Variants in NRK observed in about 807,000 individuals in gnomAD.
The protein encoded by NRK is nik-related protein kinase.
Under a neutral mutation model 125.2 loss-of-function variants are expected in NRK, and 67 were observed. The observed-to-expected ratio is 0.54, with a 90% CI of 0.44 to 0.66. The LOEUF is 0.66. NRK is among the 30% of genes least tolerant of loss of function. The pLI is 0.00. For missense variants in NRK, 1,224 were observed against 1,192.9 expected, an observed-to-expected ratio of 1.03 and a Z score of -0.38; for synonymous variants, 458 against 429.0, an observed-to-expected ratio of 1.07 and a Z score of -0.84.
At chrX:105,923,705 G>C (rs2040483345) in intron 18 of NRK, among the ~76,000 whole-genome samples, 2 of 107,536 alleles carry the variant, frequency 1.9e-5, no homozygotes, top group African/African-American at 3.4e-5. Context: ...GTATTTATTA[G>C]TTTCTTTATA....
intron 2 of NRK, among the ~76,000 whole-genome samples, chrX:105,876,990 G>A (rs189262552): frequency 5.7e-4 from 64 of 111,669 alleles, no homozygotes; most frequent in African/African-American, 2.0e-3. Flanking sequence ...GGTGAATAGA[G>A]TATGAAAGGG....
Position 105,953,131 on chromosome X carries a change from G to A in NRK, c.4611G>A (p.Arg1537=). The A allele has an allele frequency of 8.4e-7, 1 of 1,196,096 alleles. No individual in the cohort carries two copies. Among genetic ancestry groups the A allele is most frequent in the Non-Finnish European group, 1.1e-6 (1 of 885,667 alleles). ...TTCTGGAAAGTGAGCTGAAGCGCAG[G>A]TCAATTAAGAAGCTGAGATTCCTGT... ...SRVLESELKR[R]SIKKLRFLCT... Residue 1537 remains arginine (R), a synonymous_variant, in exon 28 of 29, where the codon AGG becomes AGA. Transcript: ENST00000243300.
intron 18 of NRK, among the ~76,000 whole-genome samples, chrX:105,924,442 A>AT (rs1191849573): frequency 8.9e-6 from 1 of 111,828 alleles, no homozygotes; most frequent in African/African-American, 3.2e-5. Context: ...AAAGAATACA[A>AT]GTTCTCTTCC....
intron 19 of NRK, among the ~76,000 whole-genome samples, chrX:105,925,693 C>T (rs781233947): frequency 8.1e-5 from 9 of 111,470 alleles, no homozygotes; most frequent in African/African-American, 2.9e-4. Context: ...TGAGTAAGAA[C>T]ATGTGGTTTT....
chrX:105,924,643 A>T, intron 18 of NRK, 52 bp from the exon 19 acceptor site: 1 of 1,034,252 alleles, frequency 9.7e-7, no homozygotes, highest in East Asian at 3.3e-5. Context: ...GCTAACTTTC[A>T]AATGTGTTTT....
At chrX:105,861,977 C>T (rs1274041967) in intron 2 of NRK, among the ~76,000 whole-genome samples, 1 of 111,762 alleles carries the variant, frequency 8.9e-6, no homozygotes, top group Non-Finnish European at 1.9e-5. Context: ...ACGGGAGAAT[C>T]ACTTGAACCT....
Position 105,831,245 on chromosome X carries a change from A to C in NRK, c.123+126A>C, listed in dbSNP as rs2039187719. The stretch of plus-strand genomic sequence containing the variant: ...CACTTTGAGAGAGAAATCAAATTAG[A>C]TAGCCCAGTGACACCTGTAAGAATT... On this transcript the variant is annotated intron_variant, in intron 2 of 28. Coordinates refer to ENST00000243300, the MANE Select transcript of NRK (RefSeq NM_198465.4). The C allele has an allele frequency of 1.1e-5, 5 of 467,928 alleles. No homozygotes were observed. The East Asian group carries it at 1.8e-4, about 17-fold the overall frequency. 38.6% of individuals were successfully genotyped at this position (467,928 alleles called of 1,213,427 possible).
At chrX:105,868,473 C>T (rs2039700468) in intron 2 of NRK, among the ~76,000 whole-genome samples, 1 of 111,172 alleles carries the variant, frequency 9.0e-6, no homozygotes, top group Non-Finnish European at 1.9e-5. Context: ...ATTGAAACAA[C>T]CAGATAATTG....
At position 105,940,175 on chromosome X, in the gene NRK, G is replaced by A. The variant is rs1031768828; in HGVS notation, c.3958+143G>A. 1.2e-5 allele frequency: 5 copies of A among 433,236 alleles called. No individual in the cohort carries two copies. In the Admixed American group the frequency reaches 2.4e-4, roughly 21 times the overall value. 35.7% of individuals were successfully genotyped at this position (433,236 alleles called of 1,213,427 possible). A position where few individuals can be genotyped will look rare whatever the true frequency, so the allele number is the denominator to read the frequency against. ...GACGAGATCAGGGACGTTCAGGGTG[G>A]TATGGCTATAGACAGCAACTTCAAA... On this transcript the variant is annotated intron_variant, in intron 23 of 28. Coordinates refer to ENST00000243300, the MANE Select transcript of NRK (RefSeq NM_198465.4).
At chrX:105,922,336 G>C (rs1048966386) in intron 17 of NRK, among the ~76,000 whole-genome samples, 5 of 111,535 alleles carry the variant, frequency 4.5e-5, no homozygotes, top group African/African-American at 9.8e-5. Context: ...ATAACAAGCT[G>C]TTTGTAAAAC....
In NRK at chrX:105,898,644, G is replaced by A; in HGVS notation, c.641G>A (p.Gly214Glu). 1 of 1,198,820 alleles carries A rather than the reference G, an allele frequency of 8.3e-7. No individual in the cohort carries two copies. Among genetic ancestry groups the A allele is most frequent in the Non-Finnish European group, 1.1e-6 (1 of 886,617 alleles). ...AATGGAAGAAGGAATAGTTTCATTG[G>A]GACACCATACTGGATGGCACCTGAG... ...RTNGRRNSFI[G>E]TPYWMAPEVI... The change falls in exon 8 of 29, where the codon GGG becomes GAG. Residue 214 changes from glycine to glutamate, a missense_variant. Physicochemically the swap from Gly to Glu is moderately conservative, Grantham distance 98 (BLOSUM62 -2). Transcript: ENST00000243300.
chrX:105,824,077 A>G (rs781477666), intron 1 of NRK, among the ~76,000 whole-genome samples: 94 of 112,408 alleles, frequency 8.4e-4, no homozygotes, highest in Non-Finnish European at 1.5e-3. Context: ...ATTTTACATT[A>G]GATGCTATAT....
At chrX:105,845,557 G>A (rs2039389784) in intron 2 of NRK, among the ~76,000 whole-genome samples, 1 of 112,304 alleles carries the variant, frequency 8.9e-6, no homozygotes, top group Non-Finnish European at 1.9e-5. Context: ...ACTAAAAAAA[G>A]TTTACTTGAA....
chrX:105,909,396 C>T lies in NRK; in HGVS notation c.1755C>T (p.Ala585=). The T allele has an allele frequency of 8.3e-7, 1 of 1,206,298 alleles. No individual in the cohort carries two copies. Residue 585 remains alanine, a synonymous_variant, in exon 13 of 29, where the codon GCC becomes GCT. Coordinates refer to ENST00000243300, the MANE Select transcript of NRK (RefSeq NM_198465.4). ...AACCTGAGTCATTACGAGTAAATGC[C>T]CAGGTATTTCTGCCCCTGCTATCAC... ...AEEPESLRVN[A]QVFLPLLSQD... is the part of the protein sequence containing the mutation.
rs1050126964 is a variant in NRK, at chrX:105,900,185, C to T, written c.712-433C>T. ...ACACACACACACACACACACACACA[C>T]ACACACACATATCAGTCCTATGTAA... On this transcript the variant is annotated intron_variant, in intron 8 of 28. Coordinates refer to ENST00000243300, the MANE Select transcript of NRK (RefSeq NM_198465.4). Among the ~76,000 whole-genome samples the T allele has an allele frequency of 4.9e-5, 5 of 102,660 alleles. No homozygotes were observed. In the East Asian group the frequency reaches 1.4e-3, roughly 29 times the overall value. The allele number at this position is 102,660 out of a possible 115,157, so 89.1% of individuals were successfully genotyped here.
intron 18 of NRK, among the ~76,000 whole-genome samples, chrX:105,923,925 A>ATATG (rs1555992646): frequency 1.4e-4 from 11 of 78,990 alleles, no homozygotes; most frequent in Non-Finnish European, 2.0e-4. Flanking sequence ...ATATATATAT[A>ATATG]TGTGAAATTT....
intron 2 of NRK, among the ~76,000 whole-genome samples, chrX:105,874,643 C>A (rs1332244853): frequency 8.9e-6 from 1 of 111,947 alleles, no homozygotes. Context: ...AAAGCAGGCA[C>A]ATATACCTCT....
At chrX:105,906,803 G>GTGTGTGTGTA (rs2040226229) in intron 11 of NRK, among the ~76,000 whole-genome samples, 1 of 101,027 alleles carries the variant, frequency 9.9e-6, no homozygotes, top group Non-Finnish European at 2.0e-5. Context: ...GTGTGTGTGT[G>GTGTGTGTGTA]TGTGTATAGT....
intron 2 of NRK, among the ~76,000 whole-genome samples, chrX:105,851,076 T>G (rs1462964937): frequency 8.9e-6 from 1 of 112,184 alleles, no homozygotes; most frequent in African/African-American, 3.2e-5. Context: ...CAGTTCCACA[T>G]GATTCTGGAG....
Sources: allele counts gnomAD v4.1 joint callset (sites outside exome capture counted in the v4.1 genomes callset), GRCh38; gene constraint gnomAD v4.1.1; transcripts MANE v1.5; gene names NCBI Gene and HGNC (gene_info 2026-07-23, HGNC 2026-07-21).